FGF13: variants seen among roughly 807,000 people sequenced by gnomAD.
The protein encoded by FGF13 is fibroblast growth factor 13.
FGF13 carries 2 observed loss-of-function variants against 19.5 expected under a neutral mutation model. That is an observed-to-expected ratio of 0.10 (90% CI 0.04 to 0.32). The LOEUF (loss-of-function observed/expected upper bound fraction) is 0.32. Among genes scored for constraint, FGF13 ranks in the 10% least tolerant of loss-of-function variants. The probability of loss-of-function intolerance (pLI) is 1.00; values close to 1 mark genes in which losing one functional copy is unlikely to be tolerated. For missense variants in FGF13, 113 were observed against 192.7 expected (o/e 0.59, Z 2.45); for synonymous variants, 72 against 76.9 (o/e 0.94, Z 0.33).
intron 1 of FGF13, among the ~76,000 whole-genome samples, chrX:139,199,891 T>C (rs960905773): frequency 1.8e-5 from 2 of 112,266 alleles, no homozygotes; most frequent in African/African-American, 6.5e-5. Flanking sequence ...CTCAACTTGC[T>C]CCCCCTTCTA....
At chrX:138,811,354 C>G (rs1458747319) in intron 3 of FGF13, among the ~76,000 whole-genome samples, 1 of 110,677 alleles carries the variant, frequency 9.0e-6, no homozygotes, top group Admixed American at 9.7e-5. Context: ...GACAAAAAAC[C>G]AAACACCACA....
chrX:139,069,560 A>G (rs2092369754), intron 1 of FGF13, among the ~76,000 whole-genome samples: 1 of 103,435 alleles, frequency 9.7e-6, no homozygotes, highest in Non-Finnish European at 2.0e-5. Flanking sequence ...ACATGTATAC[A>G]TAGGTAACTA....
intron 1 of FGF13, among the ~76,000 whole-genome samples, chrX:138,937,792 G>A (rs189388361): frequency 5.1e-4 from 57 of 112,380 alleles, no homozygotes; most frequent in Admixed American, 4.4e-3. Flanking sequence ...CTATTAATCA[G>A]TTGACTGCCC....
intron 1 of FGF13, among the ~76,000 whole-genome samples, chrX:139,170,098 C>T (rs1393681005): frequency 9.0e-6 from 1 of 111,472 alleles, no homozygotes; most frequent in Non-Finnish European, 1.9e-5. Flanking sequence ...GTAAGATTTC[C>T]TTTGAAACAA....
At chrX:139,085,387 T>C (rs190585795) in intron 1 of FGF13, among the ~76,000 whole-genome samples, 84 of 111,898 alleles carry the variant, frequency 7.5e-4, no homozygotes, top group African/African-American at 2.7e-3. Context: ...ACAAATAACA[T>C]TGAATAAGGT....
At chrX:139,056,498 G>A (rs1016603180) in intron 1 of FGF13, among the ~76,000 whole-genome samples, 1 of 112,552 alleles carries the variant, frequency 8.9e-6, no homozygotes, top group South Asian at 3.6e-4. Context: ...AAGCATTGTT[G>A]TTATTACAAG....
intron 3 of FGF13, among the ~76,000 whole-genome samples, chrX:138,755,483 A>G (rs1265405569): frequency 8.9e-6 from 1 of 112,780 alleles, no homozygotes; most frequent in African/African-American, 3.2e-5. Flanking sequence ...AATATGATCT[A>G]ATGCATTCAG....
At chrX:138,806,458 G>A (rs1382517087) in intron 3 of FGF13, 2 of 112,546 alleles carry the variant, frequency 1.8e-5, no homozygotes, top group Non-Finnish European at 1.9e-5. Flanking sequence ...CAAAGCCAAT[G>A]AGAAGCAAAC....
At chrX:138,908,020 A>G (rs916024285) in intron 1 of FGF13, among the ~76,000 whole-genome samples, 6 of 93,441 alleles carry the variant, frequency 6.4e-5, no homozygotes, top group Non-Finnish European at 1.3e-4. Flanking sequence ...TTAATGATGT[A>G]TATGTCTGTA....
chrX:138,938,003 G>A (rs1363337201), intron 1 of FGF13, among the ~76,000 whole-genome samples: 1 of 111,635 alleles, frequency 9.0e-6, no homozygotes, highest in Non-Finnish European at 1.9e-5. Context: ...AATGGTAAGT[G>A]GGAAGAAGCC....
intron 1 of FGF13, among the ~76,000 whole-genome samples, chrX:139,016,160 C>T (rs1376422572): frequency 8.9e-6 from 1 of 111,797 alleles, no homozygotes; most frequent in Non-Finnish European, 1.9e-5. Context: ...AAATATTTCA[C>T]TTCTGCCAAT....
At chrX:138,979,841 G>A (rs2091956137) in intron 1 of FGF13, among the ~76,000 whole-genome samples, 2 of 111,638 alleles carry the variant, frequency 1.8e-5, no homozygotes, top group Admixed American at 9.5e-5. Context: ...GTAGCGAGAT[G>A]CTTGTCACAG....
chrX:138,963,001 CAAAA>C (rs1035719044), intron 1 of FGF13, among the ~76,000 whole-genome samples: 1 of 109,598 alleles, frequency 9.1e-6, no homozygotes, highest in Non-Finnish European at 1.9e-5. Flanking sequence ...TAATAAAAAA[CAAAA>C]AAGAAAAAAA....
At chrX:138,819,150 G>A (rs2090982014) in intron 3 of FGF13, among the ~76,000 whole-genome samples, 1 of 111,351 alleles carries the variant, frequency 9.0e-6, no homozygotes, top group African/African-American at 3.3e-5. Flanking sequence ...TAGAGACTTA[G>A]GTAGAAAACC....
intron 1 of FGF13, among the ~76,000 whole-genome samples, chrX:139,038,620 C>T (rs147800978): frequency 1.3e-4 from 14 of 111,856 alleles, no homozygotes; most frequent in African/African-American, 4.5e-4. Flanking sequence ...ATGCTGTTCC[C>T]TCTGGCTGAA....
chrX:138,889,892 A>T (rs1471119141), intron 1 of FGF13, among the ~76,000 whole-genome samples: 1 of 110,455 alleles, frequency 9.1e-6, no homozygotes, highest in Non-Finnish European at 1.9e-5. Flanking sequence ...CATTCATTTT[A>T]ACATGAGAGG....
intron 1 of FGF13, among the ~76,000 whole-genome samples, chrX:138,995,685 CA>C (rs1437095532): frequency 8.9e-6 from 1 of 112,390 alleles, no homozygotes; most frequent in Non-Finnish European, 1.9e-5. Flanking sequence ...ATATCTACCA[CA>C]TTTTCTTTAT....
chrX:138,808,317 T>C (rs1288257210), intron 3 of FGF13, among the ~76,000 whole-genome samples: 3 of 111,949 alleles, frequency 2.7e-5, no homozygotes, highest in Non-Finnish European at 3.8e-5. Context: ...GCAAGGAAAG[T>C]GAACAACCTG....
intron 3 of FGF13, among the ~76,000 whole-genome samples, chrX:138,761,482 G>A (rs1479493728): frequency 1.8e-5 from 2 of 111,572 alleles, no homozygotes; most frequent in East Asian, 5.7e-4. Context: ...TAGGTAAGGA[G>A]CCATGCTGCC....
Sources: allele counts gnomAD v4.1 joint callset (sites outside exome capture counted in the v4.1 genomes callset), GRCh38; gene constraint gnomAD v4.1.1; transcripts MANE v1.5; gene names NCBI Gene and HGNC (gene_info 2026-07-23, HGNC 2026-07-21).